Variants in PDE4D observed in about 807,000 individuals in gnomAD.
PDE4D encodes 3',5'-cyclic-AMP phosphodiesterase 4D.
A neutral mutation model predicts 87.4 loss-of-function variants in PDE4D; 24 were observed. That is an observed-to-expected ratio of 0.27 (90% CI 0.20 to 0.39). The LOEUF (loss-of-function observed/expected upper bound fraction) is 0.39. PDE4D is among the 10% of genes least tolerant of loss of function. The pLI is 1.00. For missense variants in PDE4D, 714 were observed against 1,041.0 expected, an observed-to-expected ratio of 0.69 and a Z score of 4.32; for synonymous variants, 384 against 383.2, an observed-to-expected ratio of 1.00 and a Z score of -0.02.
intron 1 of PDE4D, among the ~76,000 whole-genome samples, chr5:59,579,187 C>T (rs1823661159): frequency 6.6e-6 from 1 of 152,282 alleles, no homozygotes; most frequent in South Asian, 2.1e-4. Context: ...CCTGTAACAA[C>T]TTGTATATAT....
chr5:60,512,531 A>G (rs1374326498), intron 1 of PDE4D, among the ~76,000 whole-genome samples: 1 of 152,206 alleles, frequency 6.6e-6, no homozygotes, highest in Non-Finnish European at 1.5e-5. Context: ...ATACATTTTT[A>G]TTCATCCTTT....
chr5:59,677,281 G>A lies in PDE4D; in HGVS notation c.455+215887C>T, dbSNP rs369846388. 2.2e-4 allele frequency among the ~76,000 whole-genome samples: 33 copies of A among 152,236 alleles called. No homozygotes were observed. The South Asian group carries it at 6.8e-3, about 32-fold the overall frequency. On this transcript the variant is annotated intron_variant, in intron 1 of 14. Transcript: ENST00000340635. ...CTCTGACATTTTGCAGTCTTACACA[G>A]TGATTTAATTTATACGCCATCCATA...
intron 2 of PDE4D, among the ~76,000 whole-genome samples, chr5:60,049,135 C>T (rs942332500): frequency 6.6e-6 from 1 of 151,514 alleles, no homozygotes; most frequent in African/African-American, 2.4e-5. Context: ...ATCGCTGATA[C>T]CTTTTCTTCC....
At chr5:60,313,608 A>T (rs527813924) in intron 1 of PDE4D, among the ~76,000 whole-genome samples, 1 of 152,322 alleles carries the variant, frequency 6.6e-6, no homozygotes, top group Admixed American at 6.5e-5. Flanking sequence ...TTCTGATACC[A>T]AAACCTGGAA....
intron 3 of PDE4D, among the ~76,000 whole-genome samples, chr5:59,964,003 T>C (rs1669154073): frequency 6.6e-6 from 1 of 152,188 alleles, no homozygotes; most frequent in Non-Finnish European, 1.5e-5. Flanking sequence ...AGCAGAGTTA[T>C]CTAGCAATAT....
chr5:59,364,843 ACCTT>A (rs1229385068), intron 1 of PDE4D, among the ~76,000 whole-genome samples: 7 of 150,726 alleles, frequency 4.6e-5, no homozygotes, highest in East Asian at 3.9e-4. Context: ...CCACCCACCT[ACCTT>A]CCTTCCTTCC....
chr5:59,516,885 TC>T (rs1162038140), intron 1 of PDE4D, among the ~76,000 whole-genome samples: 1 of 152,110 alleles, frequency 6.6e-6, no homozygotes, highest in Non-Finnish European at 1.5e-5. Context: ...GATCACATAT[TC>T]TTTCTCCAAT....
At chr5:59,308,105 G>C (rs867568610) in intron 1 of PDE4D, among the ~76,000 whole-genome samples, 2 of 150,812 alleles carry the variant, frequency 1.3e-5, no homozygotes, top group Admixed American at 1.3e-4. Context: ...GTAAACTATC[G>C]CAAGAACAAA....
intron 5 of PDE4D, among the ~76,000 whole-genome samples, chr5:59,041,134 C>A (rs1332463546): frequency 3.3e-5 from 5 of 152,046 alleles, no homozygotes; most frequent in Admixed American, 3.3e-4. Context: ...ATTAAAGTTT[C>A]AGATTGAAGC....
At chr5:59,714,700 A>T (rs897902655) in intron 1 of PDE4D, among the ~76,000 whole-genome samples, 3 of 152,220 alleles carry the variant, frequency 2.0e-5, no homozygotes, top group Non-Finnish European at 2.9e-5. Context: ...CGGGAAGGTG[A>T]CAGTGGACTT....
rs117673849 is a variant in PDE4D, at chr5:60,257,921, G to A, written c.-89-72234C>T. On this transcript the variant is annotated intron_variant, in intron 1 of 16. Transcript: ENST00000502484. ...GGAGCAAACCATAGCGAGCTGTTGCGACACTTAACATCTAGGAAAGCAACA... is the reference window on the plus strand; with the variant it reads ...GGAGCAAACCATAGCGAGCTGTTGCAACACTTAACATCTAGGAAAGCAACA... Among the ~76,000 whole-genome samples the A allele has an allele frequency of 6.6e-5, 10 of 151,986 alleles. No homozygotes were observed. In the East Asian group the frequency reaches 1.4e-3, roughly 21 times the overall value.
intron 1 of PDE4D, among the ~76,000 whole-genome samples, chr5:60,324,578 C>CAGT (rs1756608068): frequency 6.6e-6 from 1 of 152,226 alleles, no homozygotes; most frequent in Non-Finnish European, 1.5e-5. Context: ...GCAGAGGTTG[C>CAGT]AGTGAGCAAA....
chr5:59,974,481 A>G (rs1761100539), intron 3 of PDE4D, among the ~76,000 whole-genome samples: 1 of 152,204 alleles, frequency 6.6e-6, no homozygotes, highest in African/African-American at 2.4e-5. Context: ...GTAATCTGGA[A>G]GATGCAGAAG....
intron 3 of PDE4D, among the ~76,000 whole-genome samples, chr5:59,959,017 G>A (rs1021954482): frequency 2.6e-5 from 4 of 151,870 alleles, no homozygotes; most frequent in Admixed American, 2.0e-4. Context: ...ATGAATGTAC[G>A]AAAATCAGTA....
chr5:59,112,716 A>AAATCTAT (rs1162231780), intron 5 of PDE4D, among the ~76,000 whole-genome samples: 2 of 151,868 alleles, frequency 1.3e-5, no homozygotes, highest in African/African-American at 4.8e-5. Flanking sequence ...GCAGTTGGGG[A>AAATCTAT]AATCTATAAT....
chr5:59,814,401 A>C (rs1768738112), intron 1 of PDE4D, among the ~76,000 whole-genome samples: 1 of 152,194 alleles, frequency 6.6e-6, no homozygotes, highest in Non-Finnish European at 1.5e-5. Flanking sequence ...ATGGATATGA[A>C]AGTGACAATG....
At chr5:60,105,176 T>C (rs1338737250) in intron 2 of PDE4D, among the ~76,000 whole-genome samples, 1 of 152,282 alleles carries the variant, frequency 6.6e-6, no homozygotes, top group African/African-American at 2.4e-5. Context: ...AAGGAGCTGA[T>C]GGAGCTGAAA....
chr5:59,119,861 T>C (rs1454527476), intron 5 of PDE4D, among the ~76,000 whole-genome samples: 1 of 152,198 alleles, frequency 6.6e-6, no homozygotes, highest in Non-Finnish European at 1.5e-5. Flanking sequence ...TCATTGCTTT[T>C]TGAGATGGGG....
exon 1 of PDE4D, chr5:60,488,074 C>T (rs1360684496): frequency 6.6e-6 from 1 of 152,604 alleles, no homozygotes; most frequent in African/African-American, 2.4e-5. Context: ...AGGACTCGTG[C>T]TTCTCGTACG....
Sources: allele counts gnomAD v4.1 joint callset (sites outside exome capture counted in the v4.1 genomes callset), GRCh38; gene constraint gnomAD v4.1.1; transcripts MANE v1.5; gene names NCBI Gene and HGNC (gene_info 2026-07-23, HGNC 2026-07-21).